NBEA: variants seen among roughly 807,000 people sequenced by gnomAD.
NBEA encodes neurobeachin, also known as lysosomal-trafficking regulator 2.
NBEA carries 44 observed loss-of-function variants against 343.4 expected under a neutral mutation model. That is an observed-to-expected ratio of 0.13 (90% CI 0.10 to 0.16). The LOEUF (loss-of-function observed/expected upper bound fraction) is 0.16, where lower values mean the gene tolerates loss of function less well. Among genes scored for constraint, NBEA ranks in the 10% least tolerant of loss-of-function variants. The pLI, the probability that NBEA is intolerant of heterozygous loss-of-function variation, is 1.00. For synonymous variants in NBEA, 1,175 were observed against 1,238.7 expected (o/e 0.95, Z 1.08); for missense variants, 2,555 against 3,631.3 (o/e 0.70, Z 7.62).
chr13:35,018,305 A>G (rs1354632682), intron 1 of NBEA, among the ~76,000 whole-genome samples: 2 of 152,104 alleles, frequency 1.3e-5, no homozygotes, highest in African/African-American at 4.8e-5. Flanking sequence ...CACAATTTTG[A>G]TTAGGATGGT....
chr13:35,204,551 A>G (rs2073248846), intron 31 of NBEA, among the ~76,000 whole-genome samples: 2 of 152,020 alleles, frequency 1.3e-5, no homozygotes, highest in Admixed American at 1.3e-4. Flanking sequence ...TCCCTCCCAC[A>G]ACATGTGGGA....
chr13:35,350,323 ATTG>A (rs766568843), intron 37 of NBEA, among the ~76,000 whole-genome samples: 6 of 152,074 alleles, frequency 3.9e-5, no homozygotes, highest in Non-Finnish European at 5.9e-5. Flanking sequence ...AACCTTTTTT[ATTG>A]TTGTTATTGA....
At chr13:35,067,680 A>C (rs1488002738) in intron 8 of NBEA, among the ~76,000 whole-genome samples, 1 of 152,122 alleles carries the variant, frequency 6.6e-6, no homozygotes, top group Admixed American at 6.6e-5. Context: ...GAAAGAAATA[A>C]TACGGTAAAC....
At chr13:35,163,462 C>G (rs1593568847) in intron 23 of NBEA, among the ~76,000 whole-genome samples, 1 of 151,890 alleles carries the variant, frequency 6.6e-6, no homozygotes, top group East Asian at 1.9e-4. Context: ...GAGACCAGGG[C>G]AAGACCCTGT....
At chr13:35,225,817 G>A (rs2074622532) in intron 33 of NBEA, among the ~76,000 whole-genome samples, 1 of 151,932 alleles carries the variant, frequency 6.6e-6, no homozygotes, top group Non-Finnish European at 1.5e-5. Flanking sequence ...AAGCTGTTTG[G>A]TTACCTAGCA....
chr13:35,471,384 G>A (rs1352554767), intron 40 of NBEA, among the ~76,000 whole-genome samples: 1 of 152,186 alleles, frequency 6.6e-6, no homozygotes, highest in Admixed American at 6.5e-5. Flanking sequence ...GACTGTTATT[G>A]TGACGCATCT....
chr13:35,221,912 A>G (rs773595389), intron 33 of NBEA, among the ~76,000 whole-genome samples: 18 of 152,102 alleles, frequency 1.2e-4, no homozygotes, highest in Non-Finnish European at 1.2e-4. Flanking sequence ...CAGAAACCAA[A>G]ATCATCTTAG....
intron 40 of NBEA, among the ~76,000 whole-genome samples, chr13:35,455,294 A>C (rs1473680711): frequency 3.3e-5 from 5 of 152,092 alleles, no homozygotes; most frequent in Non-Finnish European, 7.4e-5. Context: ...TTCAAATAGA[A>C]GAAAGTATGC....
chr13:35,570,143 C>T (rs1237800939), intron 45 of NBEA, among the ~76,000 whole-genome samples: 1 of 152,204 alleles, frequency 6.6e-6, no homozygotes, highest in Non-Finnish European at 1.5e-5. Context: ...AAGCGATTCT[C>T]CTGCCTCAGC....
chr13:35,511,789 G>T (rs1254023648), intron 41 of NBEA, among the ~76,000 whole-genome samples: 1 of 151,902 alleles, frequency 6.6e-6, no homozygotes, highest in Non-Finnish European at 1.5e-5. Context: ...CCCATATCTT[G>T]TTATTTGTAA....
intron 41 of NBEA, among the ~76,000 whole-genome samples, chr13:35,507,512 T>G (rs1397410315): frequency 6.6e-6 from 1 of 152,072 alleles, no homozygotes; most frequent in Non-Finnish European, 1.5e-5. Flanking sequence ...GAACTCCTAT[T>G]TTCTTTTCCA....
intron 45 of NBEA, among the ~76,000 whole-genome samples, chr13:35,576,925 T>C (rs1044321744): frequency 1.3e-5 from 2 of 152,226 alleles, no homozygotes; most frequent in Admixed American, 1.3e-4. Context: ...TTTGATTACA[T>C]ATAGTAGAAA....
At chr13:35,586,669 T>A (rs2081305226) in intron 46 of NBEA, among the ~76,000 whole-genome samples, 1 of 152,226 alleles carries the variant, frequency 6.6e-6, no homozygotes, top group Non-Finnish European at 1.5e-5. Context: ...AAAGTATAGA[T>A]GTTCTCTTTT....
chr13:35,583,882 T>C lies in NBEA; in HGVS notation c.7036-16T>C, dbSNP rs867229243. On this transcript the variant is annotated splice_polypyrimidine_tract_variant and intron_variant, in intron 45 of 58. Coordinates refer to ENST00000379939, the MANE Select transcript of NBEA (RefSeq NM_001385012.1). ...ATATGACTGTATTAAACAAAATATT[T>C]TTTTTCTTTTAATAGCCAATTGGTG... is the stretch of plus-strand genomic sequence containing the variant. 7 of 1,596,478 alleles carry C rather than the reference T, an allele frequency of 4.4e-6. No individual in the cohort carries two copies. The African/African-American group carries it at 6.8e-5, about 15-fold the overall frequency.
At chr13:35,429,834 T>C (rs57981311) in intron 38 of NBEA, among the ~76,000 whole-genome samples, 7,113 of 148,372 alleles carry the variant, frequency 0.048, 223 homozygotes, top group Non-Finnish European at 0.068. Context: ...TGTGTGTGTG[T>C]ACACACATTT....
intron 41 of NBEA, among the ~76,000 whole-genome samples, chr13:35,539,320 G>A (rs946711423): frequency 2.0e-4 from 30 of 152,126 alleles, no homozygotes; most frequent in African/African-American, 7.2e-4. Flanking sequence ...AAAATCAGAA[G>A]GGATCTGCCA....
chr13:35,099,912 A>G lies in NBEA; in HGVS notation c.1680+1507A>G, dbSNP rs537344243. Among the ~76,000 whole-genome samples, 3 of 152,244 alleles carry G rather than the reference A, an allele frequency of 2.0e-5. No homozygotes were observed. The East Asian group carries it at 5.8e-4, about 29-fold the overall frequency. ...ATGAATAAGCGTTTTTTTATAACAA[A>G]TACCTATGTCTTTTATTAGCACTCT... On this transcript the variant is annotated intron_variant, in intron 11 of 58. Transcript: ENST00000379939.
At chr13:35,311,241 T>C (rs1165343006) in intron 36 of NBEA, among the ~76,000 whole-genome samples, 2 of 152,006 alleles carry the variant, frequency 1.3e-5, no homozygotes, top group African/African-American at 4.8e-5. Flanking sequence ...TTGCTAAGGC[T>C]AATCATTGTC....
intron 18 of NBEA, among the ~76,000 whole-genome samples, chr13:35,155,132 TAAAAAAAAAAAA>T (rs753159286): frequency 1.6e-5 from 1 of 61,862 alleles, no homozygotes; most frequent in South Asian, 8.0e-4. Flanking sequence ...ATTCTGTCTC[TAAAAAAAAAAAA>T]AAAAAAAAAA....
Sources: gnomAD v4.1 joint callset for allele counts (sites outside exome capture counted in the v4.1 genomes callset) on GRCh38, gnomAD v4.1.1 for gene constraint, MANE v1.5 for transcripts, NCBI Gene and HGNC (gene_info 2026-07-23, HGNC 2026-07-21) for gene names.